The following THOC1 variants were observed in gnomAD, a reference collection of about 807,000 sequenced individuals.
THOC1 encodes THO complex subunit 1, also known as THO complex 1.
A neutral mutation model predicts 97.3 loss-of-function variants in THOC1; 29 were observed. The observed-to-expected ratio is 0.30, with a 90% CI of 0.22 to 0.41. THOC1 has a LOEUF of 0.41. Among genes scored for constraint, THOC1 ranks in the 10% least tolerant of loss-of-function variants. The probability of loss-of-function intolerance (pLI) is 1.00; values close to 1 mark genes in which losing one functional copy is unlikely to be tolerated. For synonymous variants in THOC1, 255 were observed against 257.0 expected, an observed-to-expected ratio of 0.99 and a Z score of 0.07; for missense variants, 529 against 761.9, an observed-to-expected ratio of 0.69 and a Z score of 3.60.
At chr18:215,594 T>G in intron 19 of THOC1, 90 bp from the exon 20 acceptor site, 1 of 1,043,054 alleles carries the variant, frequency 9.6e-7, no homozygotes, top group Non-Finnish European at 1.5e-6. Context: ...GGTTGTGAGA[T>G]TCCAAGTACA....
rs535793961 is a variant in THOC1 at position 259,784 on chromosome 18, C to T, written c.376-54G>A. Reference sequence around the variant, plus strand: ...TCTTCAGAACTTGTTACACATTCTTCAATAATAAGTTGCCAGAGTGAAATA... The same window carrying T: ...TCTTCAGAACTTGTTACACATTCTTTAATAATAAGTTGCCAGAGTGAAATA... On this transcript the variant is annotated intron_variant, in intron 5 of 20. Transcript: ENST00000261600. 2.2e-6 allele frequency: 3 copies of T among 1,359,070 alleles called. No homozygotes were observed. In the South Asian group the frequency reaches 4.1e-5, roughly 19 times the overall value. 84.2% of individuals were successfully genotyped at this position (1,359,070 alleles called of 1,614,324 possible). A position where few individuals can be genotyped will look rare whatever the true frequency, so the allele number is the denominator to read the frequency against.
chr18:248,312 T>C (rs546851879), intron 9 of THOC1, among the ~76,000 whole-genome samples: 1 of 152,214 alleles, frequency 6.6e-6, no homozygotes, highest in Non-Finnish European at 1.5e-5. Context: ...GGCCATATTT[T>C]ATCACTGGCC....
intron 5 of THOC1, 141 bp downstream of exon 5, chr18:260,045 A>G: frequency 7.0e-6 from 4 of 570,412 alleles, no homozygotes; most frequent in Non-Finnish European, 3.0e-6. Context: ...CTCCCGAGAG[A>G]GCAGTATATA....
intron 11 of THOC1, chr18:245,051 T>C (rs1200828951): frequency 2.0e-5 from 3 of 152,216 alleles, no homozygotes; most frequent in Non-Finnish European, 1.5e-5. Flanking sequence ...CATTTCAGCC[T>C]GCTTTTGTTT....
intron 17 of THOC1, among the ~76,000 whole-genome samples, chr18:223,109 G>A (rs1006542088): frequency 3.3e-5 from 5 of 151,976 alleles, no homozygotes; most frequent in African/African-American, 9.7e-5. Flanking sequence ...CAAGTTCAAC[G>A]AACTTTTGTG....
chr18:245,610 G>A (rs1031223810), intron 11 of THOC1: 3 of 152,298 alleles, frequency 2.0e-5, no homozygotes, highest in African/African-American at 7.2e-5. Flanking sequence ...TTCAAGAAGT[G>A]AATCTGGCTC....
chr18:258,559 A>C (rs1912504909), intron 7 of THOC1, among the ~76,000 whole-genome samples: 1 of 152,156 alleles, frequency 6.6e-6, no homozygotes, highest in Admixed American at 6.5e-5. Flanking sequence ...TAAGCTCTTC[A>C]CATGTTTTAA....
At chr18:221,102 G>C (rs674727) in intron 17 of THOC1, among the ~76,000 whole-genome samples, 1 of 151,964 alleles carries the variant, frequency 6.6e-6, no homozygotes, top group Non-Finnish European at 1.5e-5. Context: ...TTGATTCAAG[G>C]GTTATTTAGA....
intron 11 of THOC1, among the ~76,000 whole-genome samples, chr18:239,779 G>T (rs926975336): frequency 5.9e-5 from 9 of 152,120 alleles, no homozygotes; most frequent in African/African-American, 2.2e-4. Flanking sequence ...ATTAAAACAT[G>T]CATATCAAAG....
chr18:243,545 AAT>A (rs907558704), intron 11 of THOC1, among the ~76,000 whole-genome samples: 3 of 151,042 alleles, frequency 2.0e-5, no homozygotes, highest in Admixed American at 2.0e-4. Flanking sequence ...CTCAAAAAAA[AAT>A]ATATATATAT....
intron 11 of THOC1, among the ~76,000 whole-genome samples, chr18:236,927 A>T (rs1911722899): frequency 6.6e-6 from 1 of 151,328 alleles, no homozygotes; most frequent in Non-Finnish European, 1.5e-5. Context: ...TTTTCCTGTG[A>T]CTGTTAGGCT....
At chr18:215,673 C>T (rs912975576) in intron 19 of THOC1, 169 bp from the exon 20 acceptor site, 1 of 570,750 alleles carries the variant, frequency 1.8e-6, no homozygotes, top group South Asian at 2.1e-5. Context: ...GTGGGACTAT[C>T]TTCACCTGCA....
At chr18:224,219 A>T in intron 15 of THOC1, 40 bp from the exon 16 acceptor site, 2 of 1,343,912 alleles carry the variant, frequency 1.5e-6, no homozygotes, top group Non-Finnish European at 2.1e-6. Flanking sequence ...TGAATTACAA[A>T]TGGATAACAG....
intron 19 of THOC1, chr18:216,255 T>G: frequency 4.3e-6 from 2 of 462,696 alleles, no homozygotes; most frequent in Non-Finnish European, 7.6e-6. Flanking sequence ...CCCACAGCCC[T>G]GTTGAACTTT....
Position 265,475 on chromosome 18 carries a change from A to G in THOC1, c.110T>C (p.Phe37Ser). 1 of 1,598,246 alleles carries G rather than the reference A, an allele frequency of 6.3e-7. No homozygotes were observed. Among genetic ancestry groups the G allele is most frequent in the Non-Finnish European group, 8.5e-7 (1 of 1,171,990 alleles). The change falls in exon 2 of 21, where the codon TTC (phenylalanine) becomes TCC (serine). Residue 37 changes from phenylalanine (F) to serine (S), a missense_variant. Physicochemically the swap from Phe to Ser is radical, Grantham distance 155. Transcript: ENST00000261600. ...GCCTTACCTGCCAGGTACCTGGCTG[A>G]AGGTACTTAACAATGGCTTGATGTT... Reference protein sequence around the residue: ...NKNIKPLLSTFSQVPGSENEK... With the variant: ...NKNIKPLLSTSSQVPGSENEK...
intron 11 of THOC1, among the ~76,000 whole-genome samples, chr18:243,657 TTTTG>T (rs1262059166): frequency 2.6e-5 from 4 of 152,184 alleles, no homozygotes; most frequent in African/African-American, 7.2e-5. Flanking sequence ...GGTTGTTTTA[TTTTG>T]TAACTTTTTT....
At chr18:227,392 AC>A (rs771681463) in intron 11 of THOC1, among the ~76,000 whole-genome samples, 1 of 152,170 alleles carries the variant, frequency 6.6e-6, no homozygotes, top group Non-Finnish European at 1.5e-5. Flanking sequence ...TAAAGAAGAT[AC>A]GGATAACAGC....
chr18:244,139 C>G (rs1567851503), intron 11 of THOC1, among the ~76,000 whole-genome samples: 1 of 152,092 alleles, frequency 6.6e-6, no homozygotes, highest in Non-Finnish European at 1.5e-5. Context: ...TTAAATTACT[C>G]ACTAAACATC....
chr18:265,157 A>G lies in THOC1; in HGVS notation c.189+146T>C, dbSNP rs1277938892. On this transcript the variant is annotated intron_variant, in intron 3 of 20. Coordinates refer to ENST00000261600, the MANE Select transcript of THOC1 (RefSeq NM_005131.3). Reference sequence around the variant, plus strand: ...CTATCAAAATCCTTAGAGAAATCGTATAGTCATCAAGTCAACTTTTACAAA... The same window carrying G: ...CTATCAAAATCCTTAGAGAAATCGTGTAGTCATCAAGTCAACTTTTACAAA... 4.6e-6 allele frequency: 3 copies of G among 648,860 alleles called. No homozygotes were observed. In the African/African-American group the frequency reaches 5.5e-5, roughly 12 times the overall value. The allele number at this position is 648,860 out of a possible 1,614,324, so 40.2% of individuals were successfully genotyped here.
Sources: gnomAD v4.1 joint callset for allele counts (sites outside exome capture counted in the v4.1 genomes callset) on GRCh38, gnomAD v4.1.1 for gene constraint, MANE v1.5 for transcripts, NCBI Gene and HGNC (gene_info 2026-07-23, HGNC 2026-07-21) for gene names.